The following TMEM260 variants were observed in gnomAD, a reference collection of about 807,000 sequenced individuals.
TMEM260 encodes protein O-mannosyl-transferase TMEM260.
In TMEM260, 82 loss-of-function variants were observed where a neutral mutation model predicts 88.9. The ratio of observed to expected loss-of-function variants is 0.92; its 90% confidence interval spans 0.77 to 1.11. TMEM260 has a LOEUF of 1.11. TMEM260 is among the 50% of genes least tolerant of loss of function. The pLI is 0.00. For missense variants in TMEM260, 902 were observed against 853.4 expected, an observed-to-expected ratio of 1.06 and a Z score of -0.71; for synonymous variants, 314 against 309.3, an observed-to-expected ratio of 1.02 and a Z score of -0.16.
At chr14:56,609,027 T>C (rs1887084536) in intron 5 of TMEM260, 79 bp from the exon 6 acceptor site, 1 of 1,413,896 alleles carries the variant, frequency 7.1e-7, no homozygotes, top group Non-Finnish European at 9.8e-7. Flanking sequence ...TTTGATGTTT[T>C]CCTTGATATG....
rs566930992 is a variant in TMEM260, at chr14:56,594,008, A to C, written c.344+8096A>C. ...GGCCGTGAGTGTCTTTTATAATACA[A>C]GGGCTGTGTTATTAAAATTATCATA... On this transcript the variant is annotated intron_variant, in intron 3 of 15. Coordinates refer to ENST00000261556, the MANE Select transcript of TMEM260 (RefSeq NM_017799.4). Among the ~76,000 whole-genome samples the C allele has an allele frequency of 3.3e-5, 5 of 152,254 alleles. No individual in the cohort carries two copies. In the South Asian group the frequency reaches 1.0e-3, roughly 32 times the overall value.
At chr14:56,625,563 A>T in intron 12 of TMEM260, 33 bp downstream of exon 12, 1 of 1,542,682 alleles carries the variant, frequency 6.5e-7, no homozygotes, top group Non-Finnish European at 8.8e-7. Flanking sequence ...AGCTTTTCTA[A>T]AATCTTAAGC....
chr14:56,581,075 G>A (rs1358112597), intron 1 of TMEM260, among the ~76,000 whole-genome samples: 2 of 152,148 alleles, frequency 1.3e-5, no homozygotes, highest in African/African-American at 2.4e-5. Context: ...GGGGAGAAAC[G>A]CAATCTAGTT....
chr14:56,596,794 A>AATATATAT (rs1555334867), intron 3 of TMEM260, among the ~76,000 whole-genome samples: 5 of 136,296 alleles, frequency 3.7e-5, no homozygotes, highest in African/African-American at 1.4e-4. Flanking sequence ...TAAAAAAAAA[A>AATATATAT]ATATATATAT....
chr14:56,582,304 C>G (rs998016784), intron 1 of TMEM260, among the ~76,000 whole-genome samples: 1 of 152,058 alleles, frequency 6.6e-6, no homozygotes, highest in Non-Finnish European at 1.5e-5. Flanking sequence ...ATTTTTTGTA[C>G]CACTTGACAC....
the TMEM260 span, among the ~76,000 whole-genome samples, chr14:56,659,662 A>G: frequency 6.6e-6 from 1 of 152,246 alleles, no homozygotes; most frequent in Admixed American, 6.5e-5. Flanking sequence ...CTAGTCGGGG[A>G]TTATTCTTCC....
intron 7 of TMEM260, among the ~76,000 whole-genome samples, chr14:56,615,002 T>C (rs1221013308): frequency 1.3e-5 from 2 of 152,244 alleles, no homozygotes; most frequent in Non-Finnish European, 2.9e-5. Flanking sequence ...GACCATCTTT[T>C]AGCGCTTACA....
intron 12 of TMEM260, among the ~76,000 whole-genome samples, chr14:56,632,406 C>T (rs1774621547): frequency 6.6e-6 from 1 of 152,124 alleles, no homozygotes; most frequent in South Asian, 2.1e-4. Context: ...GCCTGCCAAC[C>T]CACCACTACT....
chr14:56,621,559 A>G lies in TMEM260; in HGVS notation c.1255A>G (p.Ile419Val). 1 of 1,609,280 alleles carries G rather than the reference A, an allele frequency of 6.2e-7. No individual in the cohort carries two copies. The change falls in exon 11 of 16, where the codon ATT becomes GTT. Residue 419 changes from isoleucine (I) to valine (V), a missense_variant. Transcript: ENST00000261556. ...TTGTGACCAAAGGACCAACTATGTGATTGATAAGTTCGCAAAGAACCTTCT... is the reference window on the plus strand; with the variant it reads ...TTGTGACCAAAGGACCAACTATGTGGTTGATAAGTTCGCAAAGAACCTTCT... ...SVCDQRTNYVIDKFAKNLLTS... is the reference protein window; with the variant it reads ...SVCDQRTNYVVDKFAKNLLTS...
intron 9 of TMEM260, among the ~76,000 whole-genome samples, 153 bp from the exon 10 acceptor site, chr14:56,618,441 C>T (rs370015365): frequency 1.1e-4 from 16 of 152,224 alleles, no homozygotes; most frequent in East Asian, 5.8e-4. Context: ...ATAAAATGAC[C>T]TGGGCTTGGA....
At chr14:56,586,072 C>T (rs563553193) in intron 3 of TMEM260, among the ~76,000 whole-genome samples, 160 bp downstream of exon 3, 3 of 152,184 alleles carry the variant, frequency 2.0e-5, no homozygotes, top group Admixed American at 6.5e-5. Flanking sequence ...CATTTGACCC[C>T]TCAAATGATT....
At position 56,614,152 on chromosome 14, in the gene TMEM260, A is replaced by G. The variant is rs545174447; in HGVS notation, c.858-1792A>G. On this transcript the variant is annotated intron_variant, in intron 7 of 15. Coordinates refer to ENST00000261556, the MANE Select transcript of TMEM260 (RefSeq NM_017799.4). ...TCAAACTCTTGACCTCAGGTGATCC[A>G]CCTGCCTCGGCCTCCCAAAGTGCTG... is the stretch of plus-strand genomic sequence containing the variant. 8.2e-5 allele frequency among the ~76,000 whole-genome samples: 12 copies of G among 146,614 alleles called. No homozygotes were observed. The South Asian group carries it at 8.8e-4, about 11-fold the overall frequency.
At chr14:56,581,227 G>A (rs1451710918) in intron 1 of TMEM260, among the ~76,000 whole-genome samples, 3 of 152,120 alleles carry the variant, frequency 2.0e-5, no homozygotes, top group Non-Finnish European at 2.9e-5. Flanking sequence ...CTGGAACTTC[G>A]TCAGTAAACC....
At chr14:56,612,157 C>T (rs953685740) in intron 6 of TMEM260, 88 bp from the exon 7 acceptor site, 58 of 1,315,936 alleles carry the variant, frequency 4.4e-5, no homozygotes, top group African/African-American at 5.9e-5. Context: ...TAAGAAAACC[C>T]GAATCTTTTA....
chr14:56,641,348 G>A (rs1889578499), intron 15 of TMEM260, among the ~76,000 whole-genome samples: 2 of 149,500 alleles, frequency 1.3e-5, no homozygotes, highest in African/African-American at 2.6e-5. Context: ...AGAAGAGGGT[G>A]GGGGCCAATA....
chr14:56,579,967 T>C lies in TMEM260; in HGVS notation c.53T>C (p.Val18Ala). 8.1e-7 allele frequency: 1 copy of C among 1,242,008 alleles called. No individual in the cohort carries two copies. Among genetic ancestry groups the C allele is most frequent in the Non-Finnish European group, 1.0e-6 (1 of 988,936 alleles). 76.9% of individuals were successfully genotyped at this position (1,242,008 alleles called of 1,614,324 possible). A position where few individuals can be genotyped will look rare whatever the true frequency, so the allele number is the denominator to read the frequency against. The change falls in exon 1 of 16, where the codon GTG becomes GCG. Residue 18 changes from valine (V) to alanine (A), a missense_variant. Transcript: ENST00000261556. ...CAGGCCCAGGGGCGGGCAGTCCGAG[T>C]GGGGCTGCGGCGCTCCGGGGGCATC... The part of the protein sequence containing the change: ...RGQAQGRAVR[V>A]GLRRSGGIRG...
At chr14:56,600,725 T>C (rs949072418) in intron 3 of TMEM260, among the ~76,000 whole-genome samples, 1 of 152,204 alleles carries the variant, frequency 6.6e-6, no homozygotes, top group African/African-American at 2.4e-5. Flanking sequence ...TACACTGCTG[T>C]TGGGAAACAA....
At chr14:56,640,315 A>T (rs1309598822) in intron 15 of TMEM260, among the ~76,000 whole-genome samples, 1 of 152,226 alleles carries the variant, frequency 6.6e-6, no homozygotes, top group Non-Finnish European at 1.5e-5. Context: ...AGGGACAATC[A>T]GGCAGCTGCA....
chr14:56,659,781 A>C, the TMEM260 span, among the ~76,000 whole-genome samples: 25 of 152,374 alleles, frequency 1.6e-4, no homozygotes, highest in South Asian at 8.3e-4. Context: ...TTGTAGCTTC[A>C]TTAGCATTTG....
Sources: gnomAD v4.1 joint callset for allele counts (sites outside exome capture counted in the v4.1 genomes callset) on GRCh38, gnomAD v4.1.1 for gene constraint, MANE v1.5 for transcripts, NCBI Gene and HGNC (gene_info 2026-07-23, HGNC 2026-07-21) for gene names.